The following ZNF439 variants were observed in gnomAD, a reference collection of about 807,000 sequenced individuals.
ZNF439 encodes the protein zinc finger protein 439.
ZNF439 carries 40 observed loss-of-function variants against 47.3 expected under a neutral mutation model. That is an observed-to-expected ratio of 0.85 (90% confidence interval 0.66 to 1.10). ZNF439 has a LOEUF of 1.10. ZNF439 is among the 50% of genes least tolerant of loss of function. The pLI is 0.00. For synonymous variants in ZNF439, 171 were observed against 198.8 expected (o/e 0.86, Z 1.18); for missense variants, 556 against 601.1 (o/e 0.93, Z 0.78).
Position 11,867,825 on chromosome 19 carries a change from T to C in ZNF439, c.771T>C (p.Ser257=), listed in dbSNP as rs773136269. ...YECKQCGKSF[S]YSATHRIHER... ...GTAAACAATGTGGTAAATCTTTTAG[T>C]TATTCTGCTACCCATCGAATACATG... The change falls in exon 4 of 4, where the codon AGT becomes AGC. Residue 257 remains serine, a synonymous_variant. Coordinates refer to ENST00000682736, the MANE Select transcript of ZNF439 (RefSeq NM_001348719.2). 2 of 1,613,180 alleles carry C rather than the reference T, an allele frequency of 1.2e-6. No homozygotes were observed. The highest frequency in any genetic ancestry group is 2.2e-5 in the East Asian group (1 of 44,784).
chr19:11,868,847 T>C lies in ZNF439; in HGVS notation c.*278T>C. On this transcript the variant is annotated 3_prime_UTR_variant, in exon 4 of 4. Transcript: ENST00000682736. ...GTAAGAAATGTGGAAAAGCGTTCCA[T>C]AATTTCTCTTCTTTTCAAATACATG... The C allele has an allele frequency of 2.1e-6, 1 of 487,284 alleles. No individual in the cohort carries two copies. Among genetic ancestry groups the C allele is most frequent in the East Asian group, 3.9e-5 (1 of 25,584 alleles). 30.2% of individuals were successfully genotyped at this position (487,284 alleles called of 1,614,324 possible). A position where few individuals can be genotyped will look rare whatever the true frequency, so the allele number is the denominator to read the frequency against.
At chr19:11,867,140 A>AG (rs1170359473) in intron 3 of ZNF439, among the ~76,000 whole-genome samples, 166 bp from the exon 4 acceptor site, 15 of 152,246 alleles carry the variant, frequency 9.9e-5, no homozygotes, top group African/African-American at 3.4e-4. Flanking sequence ...AGGTATGGCT[A>AG]GGTCACCTTG....
chr19:11,860,573 C>T (rs1343041305), intron 1 of ZNF439, among the ~76,000 whole-genome samples: 1 of 152,026 alleles, frequency 6.6e-6, no homozygotes, highest in Non-Finnish European at 1.5e-5. Context: ...GCCATGAACC[C>T]TACTATACTG....
At chr19:11,866,723 ATC>A in intron 3 of ZNF439, 126 bp downstream of exon 3, 1 of 988,582 alleles carries the variant, frequency 1.0e-6, no homozygotes, top group Non-Finnish European at 1.5e-6. Flanking sequence ...ACAATATTTT[ATC>A]TAAAAATATA....
intron 1 of ZNF439, 117 bp downstream of exon 1, chr19:11,849,047 G>A (rs1383138378): frequency 8.0e-6 from 10 of 1,253,866 alleles, no homozygotes; most frequent in East Asian, 4.8e-5. Context: ...AGAGCTGCTC[G>A]GCCCTCGGTC....
At position 11,868,751 on chromosome 19, in the gene ZNF439, G is replaced by T. The variant is rs570376354; in HGVS notation, c.*182G>T. 52 of 714,718 alleles carry T rather than the reference G, an allele frequency of 7.3e-5. No homozygotes were observed. The highest frequency in any genetic ancestry group is 1.2e-4 in the Non-Finnish European group (50 of 410,850). The allele number at this position is 714,718 out of a possible 1,614,324, so 44.3% of individuals were successfully genotyped here. A position where few individuals can be genotyped will look rare whatever the true frequency, so the allele number is the denominator to read the frequency against. On this transcript the variant is annotated 3_prime_UTR_variant, in exon 4 of 4. Coordinates refer to ENST00000682736, the MANE Select transcript of ZNF439 (RefSeq NM_001348719.2). ...AACTCTATGAGTGTAAGCAATGTGG[G>T]AAAGTCTTCAGATCTGTCAAGAACC... is the stretch of plus-strand genomic sequence containing the variant.
At chr19:11,863,924 A>C (rs1188764846) in intron 1 of ZNF439, among the ~76,000 whole-genome samples, 1 of 152,136 alleles carries the variant, frequency 6.6e-6, no homozygotes, top group Non-Finnish European at 1.5e-5. Context: ...GGGTCTCACT[A>C]TGTTGCCCAG....
intron 1 of ZNF439, among the ~76,000 whole-genome samples, chr19:11,853,903 T>TA (rs1477715320): frequency 6.6e-6 from 1 of 152,228 alleles, no homozygotes; most frequent in Non-Finnish European, 1.5e-5. Flanking sequence ...TGAGGCTCTC[T>TA]AGGCCTTGCA....
Position 11,868,651 on chromosome 19 carries a change from TA to T in ZNF439, c.*85del, listed in dbSNP as rs1363405788. 2 of 1,422,382 alleles carry T rather than the reference TA, an allele frequency of 1.4e-6. No homozygotes were observed. The allele number at this position is 1,422,382 out of a possible 1,614,324, so 88.1% of individuals were successfully genotyped here. ...AAATTCACACTGGAGAGAAACCCTA[TA>T]AATGCAAGCAATGTGGTAAAGCCTT... On this transcript the variant is annotated 3_prime_UTR_variant, in exon 4 of 4. Coordinates refer to ENST00000682736, the MANE Select transcript of ZNF439 (RefSeq NM_001348719.2).
chr19:11,867,909 T>C lies in ZNF439; in HGVS notation c.855T>C (p.His285=), dbSNP rs755604322. 1.2e-6 allele frequency: 2 copies of C among 1,613,838 alleles called. No homozygotes were observed. The highest frequency in any genetic ancestry group is 3.3e-5 in the Admixed American group (2 of 59,996). ...GTCAGGAATGTGGGAAAGCATTCCA[T>C]AGTCCCAGATCCTGTCACAGACATG... ...YECQECGKAF[H]SPRSCHRHER... is the part of the protein sequence containing the mutation. The change falls in exon 4 of 4, where the codon CAT becomes CAC. Residue 285 remains histidine, a synonymous_variant. Transcript: ENST00000682736.
rs777304420 is a variant in ZNF439, at chr19:11,860,863, C to T, written c.64-5342C>T. Among the ~76,000 whole-genome samples, 77 of 152,228 alleles carry T rather than the reference C, an allele frequency of 5.1e-4. 1 individual carries two copies. Among genetic ancestry groups the T allele is most frequent in the Admixed American group, 2.6e-4 (4 of 15,288 alleles). ...TGATTGTCCTCAGTGTACCTTCTGG[C>T]GGCAGGTGCAGACACGAGTTTGCCC... On this transcript the variant is annotated intron_variant, in intron 1 of 3. Coordinates refer to ENST00000682736, the MANE Select transcript of ZNF439 (RefSeq NM_001348719.2).
intron 1 of ZNF439, 84 bp downstream of exon 1, chr19:11,849,014 G>T: frequency 7.2e-7 from 1 of 1,393,814 alleles, no homozygotes; most frequent in South Asian, 1.2e-5. Flanking sequence ...GGGCGACTCC[G>T]GGGTCTGGGA....
At chr19:11,857,985 T>A (rs1787530524) in intron 1 of ZNF439, 1 of 152,130 alleles carries the variant, frequency 6.6e-6, no homozygotes, top group African/African-American at 2.4e-5. Flanking sequence ...ATGTGAGCAG[T>A]AGGAAACATA....
At chr19:11,865,101 AAAT>A (rs1254516890) in intron 1 of ZNF439, among the ~76,000 whole-genome samples, 10 of 152,184 alleles carry the variant, frequency 6.6e-5, no homozygotes, top group African/African-American at 2.4e-4. Flanking sequence ...TTCTAAGACT[AAAT>A]AATATTCCAT....
Position 11,868,056 on chromosome 19 carries a change from G to A in ZNF439, c.1002G>A (p.Lys334=), listed in dbSNP as rs545866000. The A allele has an allele frequency of 1.7e-5, 27 of 1,614,196 alleles. No homozygotes were observed. In the South Asian group the frequency reaches 2.6e-4, roughly 16 times the overall value. The part of the protein sequence containing the change: ...THSRKKLYEC[K]QCGKALSSLT... ...CTAGGAAAAAACTTTATGAATGTAAGCAGTGTGGGAAAGCATTATCCTCTC... is the reference window on the plus strand; with the variant it reads ...CTAGGAAAAAACTTTATGAATGTAAACAGTGTGGGAAAGCATTATCCTCTC... The change falls in exon 4 of 4, where the codon AAG becomes AAA. Residue 334 remains lysine (K), a synonymous_variant. Coordinates refer to ENST00000682736, the MANE Select transcript of ZNF439 (RefSeq NM_001348719.2).
intron 1 of ZNF439, among the ~76,000 whole-genome samples, chr19:11,855,835 C>G (rs1207346141): frequency 1.3e-5 from 2 of 152,124 alleles, no homozygotes; most frequent in Non-Finnish European, 2.9e-5. Context: ...TTGAGTTGTC[C>G]CCAGGTTATG....
intron 1 of ZNF439, among the ~76,000 whole-genome samples, chr19:11,863,295 G>A (rs1976589782): frequency 6.6e-6 from 1 of 151,526 alleles, no homozygotes; most frequent in Middle Eastern, 3.2e-3. Flanking sequence ...CGAGTAGCTG[G>A]GATTACAGGC....
Position 11,848,808 on chromosome 19 carries a change from C to A in ZNF439, c.-60C>A. 1 of 1,465,002 alleles carries A rather than the reference C, an allele frequency of 6.8e-7. No individual in the cohort carries two copies. The highest frequency in any genetic ancestry group is 9.2e-7 in the Non-Finnish European group (1 of 1,091,610). The allele number at this position is 1,465,002 out of a possible 1,614,324, so 90.8% of individuals were successfully genotyped here. On this transcript the variant is annotated 5_prime_UTR_variant, in exon 1 of 4. Coordinates refer to ENST00000682736, the MANE Select transcript of ZNF439 (RefSeq NM_001348719.2). ...GGGCGGCGGTTGGGATCTGGCCTTTCCAGCCCCGAGAGGGACCTAGTGCCT... is the reference window on the plus strand; with the variant it reads ...GGGCGGCGGTTGGGATCTGGCCTTTACAGCCCCGAGAGGGACCTAGTGCCT...
intron 1 of ZNF439, chr19:11,849,852 TG>T (rs1449534518): frequency 1.3e-5 from 2 of 152,190 alleles, no homozygotes; most frequent in East Asian, 3.8e-4. Context: ...GTTTGTAATT[TG>T]GTATCTTGTT....
Sources: gnomAD v4.1 joint callset for allele counts (sites outside exome capture counted in the v4.1 genomes callset) on GRCh38, gnomAD v4.1.1 for gene constraint, MANE v1.5 for transcripts, NCBI Gene and HGNC (gene_info 2026-07-23, HGNC 2026-07-21) for gene names.